Variants in PARP1 observed in about 807,000 individuals in gnomAD.
PARP1 encodes the protein poly [ADP-ribose] polymerase 1.
PARP1 carries 44 observed loss-of-function variants against 118.7 expected under a neutral mutation model. The observed-to-expected ratio is 0.37, with a 90% CI of 0.29 to 0.48. The LOEUF is 0.48. Among genes scored for constraint, PARP1 ranks in the 20% least tolerant of loss-of-function variants. The pLI, the probability that PARP1 is intolerant of heterozygous loss-of-function variation, is 0.99. For synonymous variants in PARP1, 492 were observed against 483.2 expected (o/e 1.02, Z -0.24); for missense variants, 1,100 against 1,272.4 (o/e 0.86, Z 2.06).
chr1:226,403,506 G>A (rs1201460385), intron 1 of PARP1, among the ~76,000 whole-genome samples: 1 of 152,230 alleles, frequency 6.6e-6, no homozygotes, highest in Admixed American at 6.5e-5. Flanking sequence ...CGGTGACAGC[G>A]ATTGGGAAGA....
chr1:226,368,272 C>T lies in PARP1; in HGVS notation c.2204G>A (p.Arg735His), dbSNP rs780595440. The T allele has an allele frequency of 9.3e-6, 15 of 1,614,164 alleles. No homozygotes were observed. Among genetic ancestry groups the T allele is most frequent in the Middle Eastern group, 1.6e-4 (1 of 6,062 alleles). ...SDSQILDLSN[R>H]FYTLIPHDFG... The stretch of plus-strand genomic sequence containing the variant: ...GTCGTGGGGGATCAGGGTGTAAAAG[C>T]GATTTGAGAGATCCAGGATCTGAGA... The change falls in exon 16 of 23, where the codon CGC becomes CAC. Residue 735 changes from arginine to histidine, a missense_variant. This residue lies in a region of PARP1 where 948 missense variants were observed against 1,031.8 expected (regional missense o/e 0.92). Coordinates refer to ENST00000366794, the MANE Select transcript of PARP1 (RefSeq NM_001618.4).
At chr1:226,401,914 G>A (rs959485627) in intron 2 of PARP1, 1 of 1,315,152 alleles carries the variant, frequency 7.6e-7, no homozygotes, top group Non-Finnish European at 1.0e-6. Flanking sequence ...GGGGGAGGGG[G>A]TACTGGAAAC....
intron 18 of PARP1, among the ~76,000 whole-genome samples, 176 bp downstream of exon 18, chr1:226,365,773 AAAAAC>A (rs1303926520): frequency 1.9e-4 from 9 of 46,362 alleles, no homozygotes; most frequent in African/African-American, 7.8e-4. Flanking sequence ...TGTCAAAAAA[AAAAAC>A]AAAAAACAAA....
chr1:226,379,380 A>T, intron 11 of PARP1, 106 bp from the exon 12 acceptor site: 1 of 1,439,490 alleles, frequency 6.9e-7, no homozygotes, highest in Non-Finnish European at 9.8e-7. Flanking sequence ...TGGATACACT[A>T]CCACCACCCT....
intron 14 of PARP1, among the ~76,000 whole-genome samples, chr1:226,371,557 G>A (rs574929446): frequency 3.5e-4 from 54 of 152,294 alleles, no homozygotes; most frequent in African/African-American, 1.3e-3. Context: ...TCCATCCTAA[G>A]GGAAGATCTG....
intron 1 of PARP1, 48 bp downstream of exon 1, chr1:226,407,762 A>G: frequency 6.8e-7 from 1 of 1,462,696 alleles, no homozygotes; most frequent in African/African-American, 1.5e-5. Context: ...GACACAGTTA[A>G]CCCGGGGCGC....
At chr1:226,369,357 C>A (rs907765215) in intron 15 of PARP1, among the ~76,000 whole-genome samples, 1 of 152,244 alleles carries the variant, frequency 6.6e-6, no homozygotes, top group Non-Finnish European at 1.5e-5. Flanking sequence ...AAGCGGAACC[C>A]TCCAGCCCCT....
At chr1:226,402,007 A>G (rs758011764) in intron 2 of PARP1, 1 of 1,487,300 alleles carries the variant, frequency 6.7e-7, no homozygotes, top group South Asian at 1.3e-5. Flanking sequence ...CATTCCAAGC[A>G]CCTGGAAAAA....
intron 21 of PARP1, 104 bp downstream of exon 21, chr1:226,362,995 T>C: frequency 2.5e-6 from 2 of 812,690 alleles, no homozygotes; most frequent in South Asian, 1.3e-5. Context: ...TCTCCAGCTG[T>C]TTGACAGCCA....
Position 226,361,210 on chromosome 1 carries a change from G to T in PARP1, c.*250C>A, listed in dbSNP as rs534086697. ...AATCTCTCTCCAGCCTTTTCTCTAT[G>T]TCAGTTTTATCTACCTGGCAAGAAA... On this transcript the variant is annotated 3_prime_UTR_variant, in exon 23 of 23. Coordinates refer to ENST00000366794, the MANE Select transcript of PARP1 (RefSeq NM_001618.4). 3.5e-6 allele frequency: 2 copies of T among 565,182 alleles called. No homozygotes were observed. The highest frequency in any genetic ancestry group is 6.0e-5 in the East Asian group (2 of 33,440). The allele number at this position is 565,182 out of a possible 1,614,324, so 35.0% of individuals were successfully genotyped here.
At chr1:226,361,767 C>T (rs2102724758) in intron 22 of PARP1, 1 of 663,190 alleles carries the variant, frequency 1.5e-6, no homozygotes, top group African/African-American at 1.8e-5. Context: ...GGAGATCATC[C>T]TCTGGAAACT....
At chr1:226,392,534 T>C in intron 2 of PARP1, 1 of 582,668 alleles carries the variant, frequency 1.7e-6, no homozygotes, top group Non-Finnish European at 3.1e-6. Flanking sequence ...CTGAGCTCCT[T>C]GAAAGAGCAG....
At position 226,377,135 on chromosome 1, in the gene PARP1, G is replaced by A. The variant is rs13306137; in HGVS notation, c.1914C>T (p.Phe638=). 1.4e-3 allele frequency: 2,339 copies of A among 1,614,016 alleles called. 47 individuals carry two copies. The East Asian group carries it at 0.038, about 26-fold the overall frequency. Residue 638 remains phenylalanine (F), a synonymous_variant, in exon 13 of 23, where the codon TTC becomes TTT. Transcript: ENST00000366794. The part of the protein sequence containing the change: ...SKNFTKYPKK[F]YPLEIDYGQD... ...GGCCATAGTCAATCTCCAGGGGGTAGAACTTTTTGGGATACTTCGTGAAAT... is the reference window on the plus strand; with the variant it reads ...GGCCATAGTCAATCTCCAGGGGGTAAAACTTTTTGGGATACTTCGTGAAAT...
chr1:226,383,241 T>C (rs768214727), intron 7 of PARP1, 58 bp from the exon 8 acceptor site: 25 of 1,385,036 alleles, frequency 1.8e-5, no homozygotes, highest in Middle Eastern at 2.2e-4. Context: ...AACCACCCCA[T>C]AGACCAAAGA....
intron 2 of PARP1, chr1:226,392,714 T>C: frequency 3.6e-6 from 2 of 551,068 alleles, no homozygotes; most frequent in Non-Finnish European, 6.3e-6. Flanking sequence ...ACCAAAGTGT[T>C]GAATTAAAGG....
chr1:226,367,538 T>C lies in PARP1; in HGVS notation c.2348A>G (p.Asp783Gly). 6.2e-7 allele frequency: 1 copy of C among 1,614,152 alleles called. No homozygotes were observed. Among genetic ancestry groups the C allele is most frequent in the Non-Finnish European group, 8.5e-7 (1 of 1,180,020 alleles). The change falls in exon 17 of 23, where the codon GAT (aspartate) becomes GGT (glycine). Residue 783 changes from aspartate to glycine, a missense_variant. Transcript: ENST00000366794. ...VAYSLLRGGSDDSSKDPIDVN... is the reference protein window; with the variant it reads ...VAYSLLRGGSGDSSKDPIDVN... ...ATCGATGGGATCCTTGCTGCTATCA[T>C]CAGACCCTCCCCTGAGCAGACTGTA...
chr1:226,361,617 G>A, intron 22 of PARP1, 76 bp from the exon 23 acceptor site: 1 of 1,074,258 alleles, frequency 9.3e-7, no homozygotes, highest in Admixed American at 1.7e-5. Context: ...CCCCCAGGCT[G>A]GCAGGACGCT....
Position 226,377,179 on chromosome 1 carries a change from TC to T in PARP1, c.1869del (p.Asn624ThrfsTer29), listed in dbSNP as rs1196335585. The part of the protein sequence containing the change: ...HFMKLYEEKT[G>X]NAWHSKNFTK... ...GTGAAATTTTTGGAGTGCCAAGCGTTCCCGGTTTTTTCTTCATATAATTTCA... is the reference window on the plus strand; with the variant it reads ...GTGAAATTTTTGGAGTGCCAAGCGTTCCGGTTTTTTCTTCATATAATTTCA... On this transcript the variant is annotated frameshift_variant, in exon 13 of 23. Transcript: ENST00000366794. LOFTEE classifies it high-confidence loss of function. 4 of 1,614,112 alleles carry T rather than the reference TC, an allele frequency of 2.5e-6. No homozygotes were observed. The highest frequency in any genetic ancestry group is 1.1e-5 in the South Asian group (1 of 91,080).
chr1:226,390,980 C>T (rs1234949503), intron 3 of PARP1, among the ~76,000 whole-genome samples: 5 of 148,400 alleles, frequency 3.4e-5, no homozygotes, highest in East Asian at 2.0e-4. Flanking sequence ...TGCACACCTG[C>T]GTGGGCTTCC....
Sources: gnomAD v4.1 joint callset for allele counts (sites outside exome capture counted in the v4.1 genomes callset) on GRCh38, gnomAD v4.1.1 for gene constraint, gnomAD v4.1.1 regional missense constraint, MANE v1.5 for transcripts, NCBI Gene and HGNC (gene_info 2026-07-23, HGNC 2026-07-21) for gene names.